RAD51B: variants seen among roughly 807,000 people sequenced by gnomAD.
RAD51B encodes the protein DNA repair protein RAD51 homolog 2.
RAD51B carries 38 observed loss-of-function variants against 42.2 expected under a neutral mutation model. The observed-to-expected ratio is 0.90, with a 90% CI of 0.70 to 1.18. RAD51B has a LOEUF of 1.18. Among genes scored for constraint, RAD51B ranks in the 50% most tolerant of loss-of-function variants. RAD51B has a pLI of 0.00. For synonymous variants in RAD51B, 154 were observed against 145.2 expected (o/e 1.06, Z -0.43); for missense variants, 373 against 400.7 (o/e 0.93, Z 0.59).
intron 11 of RAD51B, among the ~76,000 whole-genome samples, chr14:68,673,659 C>T (rs573555260): frequency 6.6e-6 from 1 of 151,980 alleles, no homozygotes; most frequent in South Asian, 2.1e-4. Flanking sequence ...CACACACATA[C>T]ACATACTGTG....
chr14:67,882,819 A>T (rs1006627941), intron 5 of RAD51B, among the ~76,000 whole-genome samples: 35 of 151,852 alleles, frequency 2.3e-4, no homozygotes, highest in African/African-American at 8.2e-4. Context: ...ATCTTGGCTC[A>T]CTGCAACCTC....
At chr14:68,538,539 G>A (rs928043595) in intron 10 of RAD51B, among the ~76,000 whole-genome samples, 3 of 152,024 alleles carry the variant, frequency 2.0e-5, no homozygotes, top group African/African-American at 7.2e-5. Context: ...ATATGATATG[G>A]GGCCTCCATT....
At chr14:67,918,241 A>G (rs1038761354) in intron 7 of RAD51B, among the ~76,000 whole-genome samples, 3 of 152,020 alleles carry the variant, frequency 2.0e-5, no homozygotes, top group Non-Finnish European at 2.9e-5. Flanking sequence ...AATTTTATTT[A>G]TTTATTTTTT....
At chr14:68,650,621 C>A (rs1892680941) in intron 10 of RAD51B, among the ~76,000 whole-genome samples, 1 of 152,222 alleles carries the variant, frequency 6.6e-6, no homozygotes, top group African/African-American at 2.4e-5. Context: ...ACATTATCTA[C>A]AGAGGCCCAT....
chr14:68,501,704 C>T (rs1884929555), intron 10 of RAD51B, among the ~76,000 whole-genome samples: 1 of 152,256 alleles, frequency 6.6e-6, no homozygotes. Flanking sequence ...CAGGAACTGC[C>T]CAAGCTCAGC....
At chr14:67,916,559 T>A (rs1342770026) in intron 7 of RAD51B, among the ~76,000 whole-genome samples, 1 of 151,790 alleles carries the variant, frequency 6.6e-6, no homozygotes, top group Non-Finnish European at 1.5e-5. Flanking sequence ...TTTTTTTTTT[T>A]ATTAGAAACA....
intron 8 of RAD51B, among the ~76,000 whole-genome samples, chr14:68,350,805 T>A (rs2082770860): frequency 6.6e-6 from 1 of 152,208 alleles, no homozygotes; most frequent in African/African-American, 2.4e-5. Flanking sequence ...CTTAATATCA[T>A]TCACCATTTT....
intron 5 of RAD51B, among the ~76,000 whole-genome samples, chr14:67,871,448 G>A (rs564338394): frequency 2.0e-5 from 3 of 152,272 alleles, no homozygotes; most frequent in East Asian, 3.9e-4. Flanking sequence ...GTAATCAATA[G>A]CTTACCAACC....
At chr14:68,236,213 A>C (rs539774158) in intron 7 of RAD51B, 1 of 152,276 alleles carries the variant, frequency 6.6e-6, no homozygotes, top group East Asian at 1.9e-4. Context: ...CCTAAAATAA[A>C]AGTTTAAAAA....
At chr14:68,376,490 A>G (rs2083372735) in intron 8 of RAD51B, among the ~76,000 whole-genome samples, 1 of 152,262 alleles carries the variant, frequency 6.6e-6, no homozygotes, top group African/African-American at 2.4e-5. Context: ...TCTGATGTCA[A>G]GGAAGCTTTT....
At chr14:68,595,327 T>C (rs1890945691) in exon 11 of RAD51B, 1 of 1,066,302 alleles carries the variant, frequency 9.4e-7, no homozygotes, top group Non-Finnish European at 1.1e-6. Context: ...CTTGCCTGCC[T>C]TGAAGAAAAG....
chr14:68,389,956 T>C (rs1369924436), intron 8 of RAD51B, among the ~76,000 whole-genome samples: 1 of 152,202 alleles, frequency 6.6e-6, no homozygotes, highest in African/African-American at 2.4e-5. Flanking sequence ...ATGTAACAGA[T>C]TAGGAACTGA....
intron 4 of RAD51B, among the ~76,000 whole-genome samples, chr14:67,864,427 A>T (rs1415861767): frequency 6.6e-6 from 1 of 152,208 alleles, no homozygotes; most frequent in African/African-American, 2.4e-5. Flanking sequence ...TTCTCTTTCT[A>T]CACACATATA....
chr14:68,330,596 G>A (rs1361802803), intron 8 of RAD51B, among the ~76,000 whole-genome samples: 1 of 152,192 alleles, frequency 6.6e-6, no homozygotes, highest in African/African-American at 2.4e-5. Context: ...TGGCTGGTTT[G>A]CCTTAGGTGT....
At chr14:68,673,530 A>G (rs1418017743) in intron 11 of RAD51B, among the ~76,000 whole-genome samples, 1 of 151,762 alleles carries the variant, frequency 6.6e-6, no homozygotes, top group Non-Finnish European at 1.5e-5. Context: ...GTACGCGCAC[A>G]CACATACACA....
chr14:68,157,174 T>C (rs902551722), intron 7 of RAD51B, among the ~76,000 whole-genome samples: 13 of 152,134 alleles, frequency 8.5e-5, no homozygotes, highest in African/African-American at 2.4e-4. Context: ...TCCAGCCTAG[T>C]TGACAGAGCA....
intron 8 of RAD51B, among the ~76,000 whole-genome samples, chr14:68,323,099 C>A (rs1307320934): frequency 2.0e-5 from 3 of 152,124 alleles, no homozygotes; most frequent in African/African-American, 7.2e-5. Flanking sequence ...TGTTTTTCCC[C>A]CAAGGAGAAC....
At chr14:68,104,292 C>T (rs1359972953) in intron 7 of RAD51B, among the ~76,000 whole-genome samples, 1 of 152,074 alleles carries the variant, frequency 6.6e-6, no homozygotes, top group African/African-American at 2.4e-5. Flanking sequence ...ATTCTGGCTT[C>T]TATGGAAGCT....
chr14:68,521,663 G>T (rs1449900969), intron 10 of RAD51B, among the ~76,000 whole-genome samples: 1 of 152,184 alleles, frequency 6.6e-6, no homozygotes, highest in Non-Finnish European at 1.5e-5. Flanking sequence ...CCTTGAGAGG[G>T]AAGACCTTTT....
Sources: gnomAD v4.1 joint callset for allele counts (sites outside exome capture counted in the v4.1 genomes callset) on GRCh38, gnomAD v4.1.1 for gene constraint, MANE v1.5 for transcripts, NCBI Gene and HGNC (gene_info 2026-07-23, HGNC 2026-07-21) for gene names.